CLTCL1: variants seen among roughly 807,000 people sequenced by gnomAD.
CLTCL1 encodes the protein clathrin heavy chain like 1.
In CLTCL1, 159 loss-of-function variants were observed where a neutral mutation model predicts 190.0. The observed-to-expected ratio is 0.84, with a 90% CI of 0.74 to 0.95. CLTCL1 has a LOEUF of 0.95. CLTCL1 is among the 40% of genes least tolerant of loss of function. The pLI, the probability that CLTCL1 is intolerant of heterozygous loss-of-function variation, is 0.00. For synonymous variants in CLTCL1, 752 were observed against 769.6 expected, an observed-to-expected ratio of 0.98 and a Z score of 0.38; for missense variants, 1,878 against 2,033.4, an observed-to-expected ratio of 0.92 and a Z score of 1.47.
chr22:19,225,519 T>TA lies in CLTCL1; in HGVS notation c.2061dup (p.Lys688Ter). ...TGCGTGCCCAGCTGCTCGTGGTACT[T>TA]AGAGGCCACCTGCACACACAGCTGA... On this transcript the variant is annotated frameshift_variant, in exon 13 of 33. Transcript: ENST00000427926. LOFTEE classifies it high-confidence loss of function. The TA allele has an allele frequency of 2.5e-6, 4 of 1,587,388 alleles. 1 individual carries two copies. The highest frequency in any genetic ancestry group is 3.3e-4 in the Middle Eastern group (2 of 6,036).
chr22:19,231,030 G>A (rs561919668), intron 10 of CLTCL1, among the ~76,000 whole-genome samples: 16 of 151,964 alleles, frequency 1.1e-4, no homozygotes, highest in Non-Finnish European at 2.2e-4. Flanking sequence ...TGGACTCCAG[G>A]ACTTACACCA....
At chr22:19,195,461 T>C (rs2084666717) in intron 26 of CLTCL1, among the ~76,000 whole-genome samples, 1 of 152,140 alleles carries the variant, frequency 6.6e-6, no homozygotes, top group African/African-American at 2.4e-5. Context: ...CCACCCTCAG[T>C]AGCCGCATGT....
chr22:19,209,231 C>G, intron 20 of CLTCL1, 117 bp from the exon 21 acceptor site: 1 of 833,004 alleles, frequency 1.2e-6, no homozygotes, highest in East Asian at 2.7e-5. Flanking sequence ...TCACTTCAGT[C>G]AGAAGCAATC....
intron 14 of CLTCL1, among the ~76,000 whole-genome samples, chr22:19,223,276 G>A (rs547368282): frequency 3.8e-4 from 58 of 152,230 alleles, no homozygotes; most frequent in African/African-American, 1.2e-3. Context: ...CCCGTGCCTA[G>A]ATCACATTTT....
chr22:19,220,629 T>C (rs1040439986), intron 17 of CLTCL1, among the ~76,000 whole-genome samples: 1 of 152,316 alleles, frequency 6.6e-6, no homozygotes, highest in Admixed American at 6.5e-5. Flanking sequence ...GAGGATCAGA[T>C]CTGTTGAGTG....
At position 19,222,674 on chromosome 22, in the gene CLTCL1, C is replaced by A; in HGVS notation, c.2418+10G>T. ...GGCAGCCGGGTGTCACTCCAGGGAG[C>A]CAGCAGTACCTTCTGCACGTAGATC... On this transcript the variant is annotated intron_variant, in intron 15 of 32. Coordinates refer to ENST00000427926, the MANE Select transcript of CLTCL1 (RefSeq NM_007098.4). The A allele has an allele frequency of 1.9e-6, 3 of 1,586,008 alleles. No homozygotes were observed. Among genetic ancestry groups the A allele is most frequent in the Non-Finnish European group, 2.6e-6 (3 of 1,166,134 alleles).
intron 4 of CLTCL1, 51 bp downstream of exon 4, chr22:19,242,724 C>A: frequency 6.2e-7 from 1 of 1,605,792 alleles, no homozygotes; most frequent in South Asian, 1.1e-5. Context: ...ACACCCCTAA[C>A]ACCAGCTCAT....
At chr22:19,241,449 C>A (rs2145946765) in intron 4 of CLTCL1, among the ~76,000 whole-genome samples, 1 of 152,346 alleles carries the variant, frequency 6.6e-6, no homozygotes, top group South Asian at 2.1e-4. Context: ...GACCCGAGTC[C>A]TTTTCCTTCT....
intron 1 of CLTCL1, among the ~76,000 whole-genome samples, chr22:19,283,151 C>T (rs1871619351): frequency 1.3e-5 from 2 of 151,570 alleles, no homozygotes; most frequent in Non-Finnish European, 1.5e-5. Flanking sequence ...GGATTATAGG[C>T]GTGAGCCACA....
chr22:19,185,710 G>C (rs973615434), intron 29 of CLTCL1, among the ~76,000 whole-genome samples: 1 of 152,232 alleles, frequency 6.6e-6, no homozygotes, highest in Non-Finnish European at 1.5e-5. Context: ...GGCTGGCAAG[G>C]CCAGTAGGCC....
chr22:19,267,783 T>G (rs2087167121), intron 2 of CLTCL1, among the ~76,000 whole-genome samples: 1 of 151,878 alleles, frequency 6.6e-6, no homozygotes, highest in South Asian at 2.1e-4. Context: ...TAATCCCAGC[T>G]ACTTGGAAGG....
chr22:19,284,384 G>A (rs1319831691), intron 1 of CLTCL1, among the ~76,000 whole-genome samples: 1 of 152,228 alleles, frequency 6.6e-6, no homozygotes, highest in Non-Finnish European at 1.5e-5. Flanking sequence ...TTGAGGGCCT[G>A]GCGTGGCTGC....
intron 1 of CLTCL1, among the ~76,000 whole-genome samples, chr22:19,281,643 T>C (rs1466906613): frequency 6.6e-6 from 1 of 152,220 alleles, no homozygotes; most frequent in Non-Finnish European, 1.5e-5. Context: ...TTTAGCAGGA[T>C]AGGACTGGAT....
At chr22:19,277,472 GA>G (rs1247796025) in intron 1 of CLTCL1, among the ~76,000 whole-genome samples, 1 of 152,152 alleles carries the variant, frequency 6.6e-6, no homozygotes, top group Non-Finnish European at 1.5e-5. Flanking sequence ...ACTAAGTGGT[GA>G]TTATGTTCCC....
chr22:19,197,379 A>G (rs961945146), intron 24 of CLTCL1, among the ~76,000 whole-genome samples: 13 of 152,020 alleles, frequency 8.6e-5, no homozygotes, highest in Non-Finnish European at 1.0e-4. Flanking sequence ...AATCAGCTAC[A>G]GACACGCCGC....
At chr22:19,230,064 C>A in intron 10 of CLTCL1, 89 bp from the exon 11 acceptor site, 42 of 1,086,810 alleles carry the variant, frequency 3.9e-5, no homozygotes, top group Non-Finnish European at 4.7e-5. Flanking sequence ...AATATTATCT[C>A]ATTTAGAAAT....
At chr22:19,180,074 A>T in intron 32 of CLTCL1, 105 bp from the exon 33 acceptor site, 1 of 826,814 alleles carries the variant, frequency 1.2e-6, no homozygotes, top group Non-Finnish European at 2.0e-6. Context: ...GGTCTATAGG[A>T]CCAGCCCTTA....
Position 19,180,204 on chromosome 22 carries a change from G to A in CLTCL1, c.*15C>T, listed in dbSNP as rs1555925144. 4 of 1,613,414 alleles carry A rather than the reference G, an allele frequency of 2.5e-6. No homozygotes were observed. The African/African-American group carries it at 4.0e-5, about 16-fold the overall frequency. ...TCTCCAAATGGGACACTTACTTAGT[G>A]CAATCAGCTGGGTCTCATTCATGCC... On this transcript the variant is annotated 3_prime_UTR_variant, in exon 32 of 33. Transcript: ENST00000427926.
intron 5 of CLTCL1, among the ~76,000 whole-genome samples, chr22:19,237,592 G>A (rs1555962845): frequency 6.6e-6 from 1 of 152,174 alleles, no homozygotes; most frequent in East Asian, 1.9e-4. Context: ...AAAGATGTAT[G>A]GAGCACAATG....
Sources: allele counts gnomAD v4.1 joint callset (sites outside exome capture counted in the v4.1 genomes callset), GRCh38; gene constraint gnomAD v4.1.1; transcripts MANE v1.5; gene names NCBI Gene and HGNC (gene_info 2026-07-23, HGNC 2026-07-21).